Variants in RNF128 observed in about 807,000 individuals in gnomAD.
RNF128 encodes the protein ring finger protein 128.
RNF128 carries 13 observed loss-of-function variants against 26.2 expected under a neutral mutation model. The ratio of observed to expected loss-of-function variants is 0.50; its 90% CI spans 0.32 to 0.79. RNF128 has a LOEUF of 0.79. RNF128 is among the 30% of genes least tolerant of loss of function. RNF128 has a pLI of 0.03. For missense variants in RNF128, 315 were observed against 349.7 expected (o/e 0.90, Z 0.79); for synonymous variants, 149 against 142.5 (o/e 1.05, Z -0.32).
At chrX:106,732,171 C>A (rs1929512093) in intron 1 of RNF128, among the ~76,000 whole-genome samples, 2 of 111,503 alleles carry the variant, frequency 1.8e-5, no homozygotes, top group Admixed American at 1.9e-4. Context: ...ATTTACACAT[C>A]CTTCAAAATG....
At chrX:106,767,183 T>G (rs1930265873) in intron 1 of RNF128, among the ~76,000 whole-genome samples, 1 of 111,823 alleles carries the variant, frequency 8.9e-6, no homozygotes, top group Non-Finnish European at 1.9e-5. Flanking sequence ...GACTTAGGAT[T>G]GTCTTGGCGA....
chrX:106,779,127 C>T (rs1190844406), intron 2 of RNF128, among the ~76,000 whole-genome samples: 7 of 111,495 alleles, frequency 6.3e-5, no homozygotes, highest in Non-Finnish European at 1.3e-4. Context: ...TTCTGACTTT[C>T]TCACTGAACA....
chrX:106,731,926 C>G (rs1477333412), intron 1 of RNF128, among the ~76,000 whole-genome samples: 1 of 111,659 alleles, frequency 9.0e-6, no homozygotes, highest in African/African-American at 3.3e-5. Flanking sequence ...AGTTCTTCCT[C>G]CATGCCATCA....
chrX:106,733,025 A>T (rs1386304213), intron 1 of RNF128, among the ~76,000 whole-genome samples: 1 of 111,701 alleles, frequency 9.0e-6, no homozygotes, highest in Non-Finnish European at 1.9e-5. Context: ...AAGCATCTGC[A>T]CTGAATATGT....
chrX:106,706,426 C>A (rs1269535009), intron 1 of RNF128, among the ~76,000 whole-genome samples: 1 of 111,563 alleles, frequency 9.0e-6, no homozygotes, highest in Non-Finnish European at 1.9e-5. Flanking sequence ...CTTATTCACT[C>A]AACAAATGTT....
intron 1 of RNF128, among the ~76,000 whole-genome samples, chrX:106,707,806 GA>G (rs775028949): frequency 8.6e-5 from 9 of 104,923 alleles, no homozygotes; most frequent in South Asian, 4.1e-4. Flanking sequence ...ATGGTCCCAG[GA>G]AAAAAAAAAC....
chrX:106,760,137 C>A (rs1169323684), intron 1 of RNF128, among the ~76,000 whole-genome samples: 1 of 110,986 alleles, frequency 9.0e-6, no homozygotes, highest in Non-Finnish European at 1.9e-5. Context: ...ATTACTTTTT[C>A]GAGTGTTCAT....
chrX:106,727,170 C>A lies in RNF128; in HGVS notation c.257C>A (p.Pro86Gln). The change falls in exon 1 of 7, where the codon CCG becomes CAG. Residue 86 changes from proline (P) to glutamine (Q), a missense_variant. Physicochemically the swap from Pro to Gln is moderately conservative, Grantham distance 76. Coordinates refer to ENST00000255499, the MANE Select transcript of RNF128 (RefSeq NM_194463.2). ...PLEPVAGVLV[P>Q]PDGPGALNAC... ...GAGCCTGTGGCTGGGGTCCTGGTAC[C>A]GCCCGACGGGCCCGGGGCGCTTAAC... The A allele has an allele frequency of 1.7e-6, 2 of 1,210,462 alleles. No homozygotes were observed. Among genetic ancestry groups the A allele is most frequent in the Non-Finnish European group, 2.2e-6 (2 of 895,078 alleles).
At chrX:106,782,132 A>G (rs1312174853) in intron 2 of RNF128, among the ~76,000 whole-genome samples, 1 of 112,685 alleles carries the variant, frequency 8.9e-6, no homozygotes, top group Non-Finnish European at 1.9e-5. Context: ...TATAGACTGA[A>G]TCAAGTAAAT....
intron 2 of RNF128, among the ~76,000 whole-genome samples, chrX:106,774,915 G>A (rs1432520627): frequency 8.9e-6 from 1 of 112,277 alleles, no homozygotes; most frequent in Admixed American, 9.5e-5. Flanking sequence ...GAGCAGTGAG[G>A]ATTTTTATAT....
At chrX:106,747,745 T>C (rs1007496943) in intron 1 of RNF128, among the ~76,000 whole-genome samples, 2 of 112,467 alleles carry the variant, frequency 1.8e-5, no homozygotes, top group Non-Finnish European at 3.8e-5. Context: ...AAATAAATTT[T>C]CCTTTTTATT....
At chrX:106,795,513 A>C in intron 6 of RNF128, 67 bp from the exon 7 acceptor site, 7 of 1,022,758 alleles carry the variant, frequency 6.8e-6, no homozygotes, top group Non-Finnish European at 9.3e-6. Context: ...TTGGAAGTAA[A>C]TGTTGAATTT....
intron 1 of RNF128, among the ~76,000 whole-genome samples, chrX:106,714,467 T>A (rs993508588): frequency 4.7e-4 from 52 of 111,505 alleles, no homozygotes; most frequent in Non-Finnish European, 8.8e-4. Flanking sequence ...CTTTACCCAG[T>A]TTCCCCCAGT....
At chrX:106,767,269 A>T (rs1930268744) in intron 1 of RNF128, among the ~76,000 whole-genome samples, 1 of 111,656 alleles carries the variant, frequency 9.0e-6, no homozygotes, top group Non-Finnish European at 1.9e-5. Flanking sequence ...TGGCAGCTTG[A>T]TGGGGATGGC....
At chrX:106,715,747 G>T (rs1929204782) in intron 1 of RNF128, among the ~76,000 whole-genome samples, 1 of 111,673 alleles carries the variant, frequency 9.0e-6, no homozygotes, top group Non-Finnish European at 1.9e-5. Context: ...GTATGCTTTG[G>T]ATATATTTAG....
chrX:106,696,360 G>T (rs770844573), intron 1 of RNF128, among the ~76,000 whole-genome samples: 6 of 110,943 alleles, frequency 5.4e-5, no homozygotes, highest in African/African-American at 2.0e-4. Context: ...TTCCTTCCTA[G>T]AAATTTCCTT....
Position 106,773,117 on chromosome X carries a change from C to G in RNF128, c.689C>G (p.Ser230Cys). The change falls in exon 2 of 7, where the codon TCT becomes TGT. Residue 230 changes from serine to cysteine, a missense_variant. Coordinates refer to ENST00000255499, the MANE Select transcript of RNF128 (RefSeq NM_194463.2). ...AATVGYFIFY[S>C]ARRLRNARAQ... The stretch of plus-strand genomic sequence containing the variant: ...ACTGTGGGCTATTTTATCTTTTATT[C>G]TGCTCGAAGGCTACGGAATGCAAGA... 2 of 1,209,869 alleles carry G rather than the reference C, an allele frequency of 1.7e-6. No individual in the cohort carries two copies. Among genetic ancestry groups the G allele is most frequent in the Non-Finnish European group, 2.2e-6 (2 of 894,763 alleles).
intron 1 of RNF128, among the ~76,000 whole-genome samples, chrX:106,741,531 A>C (rs1202764843): frequency 8.9e-6 from 1 of 111,950 alleles, no homozygotes; most frequent in Non-Finnish European, 1.9e-5. Flanking sequence ...ACTAAACCCA[A>C]GGTCTATAGG....
chrX:106,753,429 C>A (rs1356923517), intron 1 of RNF128, among the ~76,000 whole-genome samples: 1 of 111,096 alleles, frequency 9.0e-6, no homozygotes, highest in African/African-American at 3.3e-5. Flanking sequence ...CTATAACATT[C>A]ATGGTAGCCT....
Sources: allele counts gnomAD v4.1 joint callset (sites outside exome capture counted in the v4.1 genomes callset), GRCh38; gene constraint gnomAD v4.1.1; transcripts MANE v1.5; gene names NCBI Gene and HGNC (gene_info 2026-07-23, HGNC 2026-07-21).